JMJD1C: variants seen among roughly 807,000 people sequenced by gnomAD.
JMJD1C encodes the protein jumonji domain-containing protein 1C.
In JMJD1C, 31 loss-of-function variants were observed where a neutral mutation model predicts 245.3. The observed-to-expected ratio is 0.13, with a 90% CI of 0.09 to 0.17. JMJD1C has a LOEUF of 0.17. Among genes scored for constraint, JMJD1C ranks in the 10% least tolerant of loss-of-function variants. The pLI, the probability that JMJD1C is intolerant of heterozygous loss-of-function variation, is 1.00. For synonymous variants in JMJD1C, 1,057 were observed against 1,017.4 expected, an observed-to-expected ratio of 1.04 and a Z score of -0.74; for missense variants, 2,691 against 3,000.2, an observed-to-expected ratio of 0.90 and a Z score of 2.41.
At chr10:63,307,442 A>G (rs747732184) in intron 2 of JMJD1C, among the ~76,000 whole-genome samples, 12 of 152,226 alleles carry the variant, frequency 7.9e-5, no homozygotes, top group Admixed American at 6.5e-5. Flanking sequence ...TGTGAAACCT[A>G]CTACAAACTA....
intron 1 of JMJD1C, among the ~76,000 whole-genome samples, chr10:63,519,138 TAGAA>T (rs1423968458): frequency 6.6e-6 from 1 of 151,940 alleles, no homozygotes; most frequent in Non-Finnish European, 1.5e-5. Context: ...TCCAGGTAAA[TAGAA>T]AGAAAGCAGC....
intron 3 of JMJD1C, among the ~76,000 whole-genome samples, chr10:63,258,393 C>A (rs1854247335): frequency 6.6e-6 from 1 of 152,164 alleles, no homozygotes; most frequent in South Asian, 2.1e-4. Flanking sequence ...TTTACAATAA[C>A]CAACATGCCA....
intron 1 of JMJD1C, among the ~76,000 whole-genome samples, chr10:63,493,850 A>G (rs777269648): frequency 6.6e-6 from 1 of 152,226 alleles, no homozygotes; most frequent in Non-Finnish European, 1.5e-5. Context: ...AAGCTCTCAA[A>G]TAACTCTAAG....
At chr10:63,392,433 G>T (rs556472753) in intron 1 of JMJD1C, among the ~76,000 whole-genome samples, 1 of 152,214 alleles carries the variant, frequency 6.6e-6, no homozygotes, top group East Asian at 1.9e-4. Flanking sequence ...GAGACAACCT[G>T]TTGAATGGAA....
intron 2 of JMJD1C, among the ~76,000 whole-genome samples, chr10:63,318,188 T>C (rs1407296806): frequency 6.6e-6 from 1 of 152,132 alleles, no homozygotes; most frequent in Non-Finnish European, 1.5e-5. Context: ...TGTTAATTTT[T>C]AACTTTTTTG....
At chr10:63,389,686 T>C (rs1402637200) in intron 1 of JMJD1C, among the ~76,000 whole-genome samples, 10 of 152,092 alleles carry the variant, frequency 6.6e-5, no homozygotes, top group East Asian at 3.9e-4. Context: ...AAAATTAGAA[T>C]TGTATCAAAC....
chr10:63,333,458 T>A (rs1264283405), intron 2 of JMJD1C, among the ~76,000 whole-genome samples: 1 of 151,988 alleles, frequency 6.6e-6, no homozygotes, highest in African/African-American at 2.4e-5. Context: ...CTGGAGCAGG[T>A]GAAGGGCTTG....
intron 9 of JMJD1C, 122 bp from the exon 10 acceptor site, chr10:63,208,923 A>G: frequency 9.7e-7 from 1 of 1,028,908 alleles, no homozygotes; most frequent in Middle Eastern, 2.9e-4. Context: ...CTCTAATACT[A>G]TAATAAATTT....
intron 2 of JMJD1C, among the ~76,000 whole-genome samples, chr10:63,344,174 C>A (rs181097132): frequency 6.6e-6 from 1 of 152,324 alleles, no homozygotes. Context: ...ACAGCAACTT[C>A]CAGTCTTGCA....
At chr10:63,184,810 T>C (rs780738228) in intron 20 of JMJD1C, 72 bp from the exon 21 acceptor site, 28 of 1,416,660 alleles carry the variant, frequency 2.0e-5, no homozygotes, top group Non-Finnish European at 2.7e-5. Context: ...TATATAATTT[T>C]CAAGTTGTTC....
intron 1 of JMJD1C, 100 bp from the exon 2 acceptor site, chr10:63,380,582 TG>T: frequency 2.5e-6 from 2 of 811,222 alleles, no homozygotes; most frequent in Non-Finnish European, 3.9e-6. Context: ...GGGGTACATA[TG>T]ATATCGTGAT....
At chr10:63,279,525 C>T (rs1488812715) in intron 2 of JMJD1C, among the ~76,000 whole-genome samples, 1 of 152,176 alleles carries the variant, frequency 6.6e-6, no homozygotes. Context: ...GCCAGGGGCT[C>T]ACACCATAAT....
intron 1 of JMJD1C, among the ~76,000 whole-genome samples, chr10:63,411,601 A>ATTTT (rs35643037): frequency 1.7e-5 from 2 of 120,060 alleles, no homozygotes. Context: ...ACTCGGCCTG[A>ATTTT]TTTTTTTTTT....
chr10:63,321,964 G>T (rs968884191), intron 2 of JMJD1C, among the ~76,000 whole-genome samples: 4 of 152,164 alleles, frequency 2.6e-5, no homozygotes, highest in Non-Finnish European at 4.4e-5. Context: ...TCTAACTGCT[G>T]AAGCTGACCT....
chr10:63,252,532 C>T (rs903981901), intron 3 of JMJD1C, among the ~76,000 whole-genome samples: 1 of 152,170 alleles, frequency 6.6e-6, no homozygotes, highest in Admixed American at 6.5e-5. Flanking sequence ...GCTGGTCTAC[C>T]ATGTGGAATT....
chr10:63,231,918 G>C (rs1014484314), intron 3 of JMJD1C, among the ~76,000 whole-genome samples: 2 of 152,072 alleles, frequency 1.3e-5, no homozygotes, highest in African/African-American at 2.4e-5. Flanking sequence ...GCTCACTGCA[G>C]CCTCCGTCTC....
At chr10:63,327,595 A>T (rs1941664111) in intron 2 of JMJD1C, among the ~76,000 whole-genome samples, 1 of 152,208 alleles carries the variant, frequency 6.6e-6, no homozygotes, top group Non-Finnish European at 1.5e-5. Context: ...TCCAAGTTTC[A>T]GATTTTCATT....
intron 2 of JMJD1C, among the ~76,000 whole-genome samples, chr10:63,349,793 T>C (rs929966692): frequency 6.6e-6 from 1 of 152,162 alleles, no homozygotes; most frequent in Non-Finnish European, 1.5e-5. Context: ...CAGTTAGGTA[T>C]AGATAAAATA....
intron 1 of JMJD1C, among the ~76,000 whole-genome samples, chr10:63,515,616 C>G (rs1197895641): frequency 6.6e-6 from 1 of 152,198 alleles, no homozygotes; most frequent in Admixed American, 6.5e-5. Context: ...CTGTATCCAG[C>G]TGTCTGTCTC....
Sources: gnomAD v4.1 joint callset for allele counts (sites outside exome capture counted in the v4.1 genomes callset) on GRCh38, gnomAD v4.1.1 for gene constraint, MANE v1.5 for transcripts, NCBI Gene and HGNC (gene_info 2026-07-23, HGNC 2026-07-21) for gene names.